Variants in LYPD6B observed in about 807,000 individuals in gnomAD.
LYPD6B encodes the protein LY6/PLAUR domain containing 6B, also known as ly6/PLAUR domain-containing protein 6B.
Under a neutral mutation model 22.8 loss-of-function variants are expected in LYPD6B, and 17 were observed. That is an observed-to-expected ratio of 0.75 (90% CI 0.51 to 1.12). LYPD6B has a LOEUF of 1.12. LYPD6B is among the 50% of genes most tolerant of loss of function. The pLI, the probability that LYPD6B is intolerant of heterozygous loss-of-function variation, is 0.00. For missense variants in LYPD6B, 221 were observed against 258.3 expected (o/e 0.86, Z 0.99); for synonymous variants, 106 against 91.6 (o/e 1.16, Z -0.90).
chr2:149,206,494 T>G (rs1011167639), intron 4 of LYPD6B, among the ~76,000 whole-genome samples: 2 of 152,152 alleles, frequency 1.3e-5, no homozygotes, highest in African/African-American at 4.8e-5. Flanking sequence ...TGTATACTGA[T>G]AGCTGAAAGA....
chr2:149,147,079 G>C (rs1689071720), intron 2 of LYPD6B, among the ~76,000 whole-genome samples: 1 of 152,136 alleles, frequency 6.6e-6, no homozygotes, highest in Admixed American at 6.5e-5. Flanking sequence ...CACAACCCCA[G>C]CTTCTCAGCG....
intron 4 of LYPD6B, among the ~76,000 whole-genome samples, chr2:149,205,781 A>T (rs1245171309): frequency 6.6e-6 from 1 of 152,186 alleles, no homozygotes; most frequent in East Asian, 1.9e-4. Flanking sequence ...GGCCATTAAC[A>T]ATTTTGAAAA....
At chr2:149,068,176 G>T (rs1574907590) in intron 1 of LYPD6B, among the ~76,000 whole-genome samples, 1 of 152,162 alleles carries the variant, frequency 6.6e-6, no homozygotes, top group African/African-American at 2.4e-5. Context: ...TTGAGGTAGG[G>T]CAGGAGAAGT....
rs748740524 is a variant in LYPD6B at position 149,214,591 on chromosome 2, C to T, written c.505C>T (p.Pro169Ser). ...CEGMICNVEL[P>S]TNHTNAVFAV... ...AGGAATGATCTGCAATGTAGAATTA[C>T]CCACCAATCACACTAATGCAGTGTT... The change falls in exon 7 of 7, where the codon CCC becomes TCC. Residue 169 changes from proline (P) to serine (S), a missense_variant. Pro to Ser is a moderately conservative substitution (Grantham distance 74). Transcript: ENST00000409642. 1 of 1,613,880 alleles carries T rather than the reference C, an allele frequency of 6.2e-7. No homozygotes were observed. The highest frequency in any genetic ancestry group is 8.5e-7 in the Non-Finnish European group (1 of 1,179,834).
intron 1 of LYPD6B, among the ~76,000 whole-genome samples, chr2:149,090,263 A>G (rs964397070): frequency 6.6e-6 from 1 of 152,236 alleles, no homozygotes; most frequent in African/African-American, 2.4e-5. Context: ...AACCATGAAC[A>G]TAATATAGAC....
At chr2:149,126,507 A>G (rs1324447494) in intron 1 of LYPD6B, among the ~76,000 whole-genome samples, 2 of 152,060 alleles carry the variant, frequency 1.3e-5, no homozygotes, top group African/African-American at 2.4e-5. Flanking sequence ...TATATTTACC[A>G]TTGATAAAGT....
chr2:149,207,620 T>A (rs1036334945), intron 4 of LYPD6B, among the ~76,000 whole-genome samples: 3 of 152,136 alleles, frequency 2.0e-5, no homozygotes, highest in African/African-American at 7.2e-5. Flanking sequence ...TTATAAGGGC[T>A]TAAGAATTAC....
intron 1 of LYPD6B, among the ~76,000 whole-genome samples, chr2:149,093,117 G>A (rs1185209062): frequency 6.6e-6 from 1 of 152,218 alleles, no homozygotes; most frequent in East Asian, 1.9e-4. Flanking sequence ...AGAAGGTACA[G>A]TGGAAAGGTT....
Position 149,183,416 on chromosome 2 carries a change from G to C in LYPD6B, c.78-21837G>C, listed in dbSNP as rs181977631. Reference sequence around the variant, plus strand: ...GCAGAAAATCCTAACCAGTGTGCTTGCTTTCTTTTTTGTTTTTTTAAGAAA... The same window carrying C: ...GCAGAAAATCCTAACCAGTGTGCTTCCTTTCTTTTTTGTTTTTTTAAGAAA... On this transcript the variant is annotated intron_variant, in intron 3 of 6. Coordinates refer to ENST00000409642, the MANE Select transcript of LYPD6B (RefSeq NM_177964.5). 5.2e-4 allele frequency among the ~76,000 whole-genome samples: 79 copies of C among 151,676 alleles called. No homozygotes were observed. In the East Asian group the frequency reaches 6.3e-3, roughly 12 times the overall value.
chr2:149,062,709 A>T (rs1684144004), intron 1 of LYPD6B, among the ~76,000 whole-genome samples: 2 of 152,194 alleles, frequency 1.3e-5, no homozygotes, highest in Non-Finnish European at 2.9e-5. Flanking sequence ...TGAGTAAAAA[A>T]TAGGGCCAGA....
In LYPD6B at chr2:149,147,101, G is replaced by A. The variant is rs73017053; in HGVS notation, c.6-13663G>A. 6.6e-3 allele frequency among the ~76,000 whole-genome samples: 1,008 copies of A among 152,238 alleles called. 14 individuals are homozygous for A. The highest frequency in any genetic ancestry group is 0.022 in the African/African-American group (929 of 41,538). On this transcript the variant is annotated intron_variant, in intron 2 of 6. Transcript: ENST00000409642. ...CCAGCTTCTCAGCGGTTCCCAGAGC[G>A]TTGACTCAGATTCTCTTTGAGCCTT...
chr2:149,067,333 A>G (rs1450792413), intron 1 of LYPD6B, among the ~76,000 whole-genome samples: 1 of 152,140 alleles, frequency 6.6e-6, no homozygotes, highest in East Asian at 1.9e-4. Context: ...ATGATCCTTA[A>G]TAAATATTTT....
At chr2:149,172,299 T>C (rs2105933886) in intron 3 of LYPD6B, among the ~76,000 whole-genome samples, 1 of 152,288 alleles carries the variant, frequency 6.6e-6, no homozygotes, top group Middle Eastern at 3.4e-3. Context: ...GTCTCTCCCA[T>C]GTCATGTGAG....
At chr2:149,129,283 G>A (rs528119093) in intron 1 of LYPD6B, among the ~76,000 whole-genome samples, 65 of 152,292 alleles carry the variant, frequency 4.3e-4, no homozygotes, top group Non-Finnish European at 8.2e-4. Flanking sequence ...AAGAGCTATA[G>A]CGGGTGAAGT....
At chr2:149,044,333 C>G (rs1683212750) in intron 1 of LYPD6B, among the ~76,000 whole-genome samples, 1 of 151,968 alleles carries the variant, frequency 6.6e-6, no homozygotes, top group Admixed American at 6.5e-5. Context: ...GGATATAGAT[C>G]TTGCACATAT....
intron 1 of LYPD6B, among the ~76,000 whole-genome samples, chr2:149,120,584 C>T (rs548779347): frequency 4.4e-4 from 65 of 148,428 alleles, no homozygotes; most frequent in South Asian, 1.3e-3. Flanking sequence ...GGGGTTTCAC[C>T]GGGTTAGCCA....
chr2:149,173,419 G>A (rs1311705839), intron 3 of LYPD6B, among the ~76,000 whole-genome samples: 1 of 122,834 alleles, frequency 8.1e-6, no homozygotes, highest in East Asian at 2.5e-4. Flanking sequence ...CTGGCTTTGT[G>A]CCATCAGTAA....
chr2:149,070,815 C>T (rs947091909), intron 1 of LYPD6B, among the ~76,000 whole-genome samples: 2 of 152,186 alleles, frequency 1.3e-5, no homozygotes, highest in Admixed American at 6.5e-5. Flanking sequence ...TCTGTGAAAC[C>T]AGTAAACACC....
At chr2:149,108,803 TA>T (rs935528181) in intron 1 of LYPD6B, among the ~76,000 whole-genome samples, 12 of 152,164 alleles carry the variant, frequency 7.9e-5, no homozygotes, top group African/African-American at 2.7e-4. Context: ...ATTGAGTTTT[TA>T]AAAAATAATT....
Sources: allele counts gnomAD v4.1 joint callset (sites outside exome capture counted in the v4.1 genomes callset), GRCh38; gene constraint gnomAD v4.1.1; transcripts MANE v1.5; gene names NCBI Gene and HGNC (gene_info 2026-07-23, HGNC 2026-07-21).